ARHGEF18: variants seen among roughly 807,000 people sequenced by gnomAD.
ARHGEF18 encodes the protein Rho/Rac guanine nucleotide exchange factor 18.
In ARHGEF18, 93 loss-of-function variants were observed where a neutral mutation model predicts 155.7. The observed-to-expected ratio is 0.60, with a 90% CI of 0.50 to 0.71. ARHGEF18 has a LOEUF of 0.71. Among genes scored for constraint, ARHGEF18 ranks in the 30% least tolerant of loss-of-function variants. ARHGEF18 has a pLI of 0.00. For missense variants in ARHGEF18, 1,593 were observed against 1,816.1 expected (o/e 0.88, Z 2.23); for synonymous variants, 742 against 753.1 (o/e 0.99, Z 0.24).
chr19:7,421,965 T>C (rs926479303), intron 10 of ARHGEF18, among the ~76,000 whole-genome samples: 1 of 151,928 alleles, frequency 6.6e-6, no homozygotes, highest in African/African-American at 2.4e-5. Flanking sequence ...AAACCAGACA[T>C]CTTCGTCATC....
At chr19:7,364,319 AGATGAGAAGAAG>A (rs1203891000) in intron 2 of ARHGEF18, among the ~76,000 whole-genome samples, 1 of 145,178 alleles carries the variant, frequency 6.9e-6, no homozygotes, top group Non-Finnish European at 1.5e-5. Flanking sequence ...GGTAATGGAT[AGATGAGAAGAAG>A]GATGAGAGGA....
chr19:7,402,564 A>T (rs527465789), intron 10 of ARHGEF18, among the ~76,000 whole-genome samples: 1 of 152,314 alleles, frequency 6.6e-6, no homozygotes, highest in South Asian at 2.1e-4. Flanking sequence ...AGTTACAAAG[A>T]GAGGAAGAGA....
rs747571450 is a variant in ARHGEF18 at position 7,440,183 on chromosome 19, C to G, written c.968-161C>G. 6.4e-7 allele frequency: 1 copy of G among 1,551,522 alleles called. No homozygotes were observed. The highest frequency in any genetic ancestry group is 8.7e-7 in the Non-Finnish European group (1 of 1,146,964). On this transcript the variant is annotated intron_variant, in intron 10 of 28. Transcript: ENST00000668164. This position sits in a 1 kb window ranked among gnomAD's most constrained non-coding sequence, Gnocchi z 5.4. Reference sequence around the variant, plus strand: ...CCGAGCTGTCTTTTTACGGCTCTTTCCCCAGGAAATGGAGCGAGAACGTCT... The same window carrying G: ...CCGAGCTGTCTTTTTACGGCTCTTTGCCCAGGAAATGGAGCGAGAACGTCT...
chr19:7,391,973 G>A (rs1971426187), intron 10 of ARHGEF18, among the ~76,000 whole-genome samples: 1 of 152,168 alleles, frequency 6.6e-6, no homozygotes, highest in Non-Finnish European at 1.5e-5. Context: ...AGGTGTGGTG[G>A]CTCACGCCTG....
In ARHGEF18 at chr19:7,441,940, G is replaced by A; in HGVS notation, c.1248G>A (p.Glu416=). The A allele has an allele frequency of 1.2e-6, 2 of 1,614,114 alleles. No homozygotes were observed. The highest frequency in any genetic ancestry group is 1.7e-6 in the Non-Finnish European group (2 of 1,180,004). The change falls in exon 13 of 29, where the codon GAG becomes GAA. Residue 416 remains glutamate, a synonymous_variant. Coordinates refer to ENST00000668164, the MANE Select transcript of ARHGEF18 (RefSeq NM_001367823.1). ...EDPYTASLRS[E]IESDGHEFEA... ...CCTACACCGCCTCGCTGAGGAGTGA[G>A]ATTGAGTCAGACGGCCACGAGTTTG...
At chr19:7,442,136 T>C (rs375015730) in intron 13 of ARHGEF18, 84 bp downstream of exon 13, 26 of 134,350 alleles carry the variant, frequency 1.9e-4, no homozygotes, top group African/African-American at 7.7e-4. Context: ...CTTCCTTCCT[T>C]CCTTCCTTCC....
intron 10 of ARHGEF18, among the ~76,000 whole-genome samples, chr19:7,400,213 TA>T (rs1971961779): frequency 6.6e-6 from 1 of 152,312 alleles, no homozygotes; most frequent in South Asian, 2.1e-4. Flanking sequence ...TTTATTGAAA[TA>T]TAATTAGCAC....
chr19:7,371,766 A>T (rs1280120482), intron 2 of ARHGEF18, among the ~76,000 whole-genome samples: 9 of 151,888 alleles, frequency 5.9e-5, no homozygotes. Flanking sequence ...GGTTGCAGTG[A>T]GCTGAGATTG....
chr19:7,446,035 T>C (rs1000975843), intron 14 of ARHGEF18, among the ~76,000 whole-genome samples: 1 of 152,188 alleles, frequency 6.6e-6, no homozygotes, highest in African/African-American at 2.4e-5. Flanking sequence ...TTTTTTTATT[T>C]CACCTTTATG....
chr19:7,467,463 C>G lies in ARHGEF18; in HGVS notation c.3259C>G (p.Arg1087Gly). 2 of 1,498,832 alleles carry G rather than the reference C, an allele frequency of 1.3e-6. No homozygotes were observed. The highest frequency in any genetic ancestry group is 1.8e-6 in the Non-Finnish European group (2 of 1,132,268). 92.8% of individuals were successfully genotyped at this position (1,498,832 alleles called of 1,614,324 possible). ...QHQELERAGA[R>G]LQEREGEARQ... ...CCAGGAGCTGGAGCGTGCGGGCGCG[C>G]GGCTGCAGGAGCGCGAGGGCGAGGC... is the stretch of plus-strand genomic sequence containing the variant. Residue 1087 changes from arginine (R) to glycine (G), a missense_variant, in exon 26 of 29, where the codon CGG becomes GGG. By Grantham distance (125) the Arg-to-Gly change is moderately radical. Transcript: ENST00000668164.
the ARHGEF18 span, chr19:7,478,288 C>T: frequency 4.4e-6 from 7 of 1,606,602 alleles, no homozygotes; most frequent in Non-Finnish European, 5.9e-6. Flanking sequence ...AGTGGGCCTC[C>T]CTGCTGGGTG....
At chr19:7,464,836 C>A in intron 23 of ARHGEF18, 146 bp downstream of exon 23, 1 of 1,181,874 alleles carries the variant, frequency 8.5e-7, no homozygotes, top group Non-Finnish European at 1.2e-6. Flanking sequence ...GTATCTCAGC[C>A]CAGATTAATG....
chr19:7,349,896 A>G (rs533185495), intron 1 of ARHGEF18, among the ~76,000 whole-genome samples: 2 of 152,310 alleles, frequency 1.3e-5, no homozygotes, highest in South Asian at 4.1e-4. Context: ...GGGCCCCCCA[A>G]GAACCTCCCT....
intron 10 of ARHGEF18, among the ~76,000 whole-genome samples, chr19:7,385,825 C>CTCTCTCTA (rs1568285641): frequency 7.8e-5 from 9 of 116,116 alleles, no homozygotes; most frequent in African/African-American, 4.0e-4. Flanking sequence ...TAGGATCTAT[C>CTCTCTCTA]TCTCTCTATC....
At chr19:7,477,714 C>T in the ARHGEF18 span, among the ~76,000 whole-genome samples, 4 of 152,208 alleles carry the variant, frequency 2.6e-5, no homozygotes, top group African/African-American at 9.7e-5. Context: ...TTGTGAAAAA[C>T]AGAAAGCACA....
rs563726673 is a variant in ARHGEF18 at position 7,352,350 on chromosome 19, C to T, written c.-111+3109C>T. The stretch of plus-strand genomic sequence containing the variant: ...AGTCTTTTAGGGGTGGCAATCACCT[C>T]CTCTTTTTGGGCCCTGAATTCCAAT... On this transcript the variant is annotated intron_variant, in intron 1 of 28. Transcript: ENST00000668164. 5.3e-5 allele frequency among the ~76,000 whole-genome samples: 8 copies of T among 151,524 alleles called. No homozygotes were observed. In the East Asian group the frequency reaches 1.2e-3, roughly 22 times the overall value.
chr19:7,353,025 G>T (rs190232712), intron 1 of ARHGEF18, among the ~76,000 whole-genome samples: 2 of 150,080 alleles, frequency 1.3e-5, no homozygotes, highest in African/African-American at 4.9e-5. Flanking sequence ...TAGTACAGAC[G>T]GGGTTTCACC....
At position 7,350,324 on chromosome 19, in the gene ARHGEF18, G is replaced by A. The variant is rs139858238; in HGVS notation, c.-111+1083G>A. Among the ~76,000 whole-genome samples the A allele has an allele frequency of 3.5e-4, 54 of 152,260 alleles. No individual in the cohort carries two copies. The East Asian group carries it at 0.01, about 28-fold the overall frequency. Reference sequence around the variant, plus strand: ...AGAGAGGATGGAGCTAGGAAGTGACGCTGGGGGCTGATGCTCCAAGGCCAG... The same window carrying A: ...AGAGAGGATGGAGCTAGGAAGTGACACTGGGGGCTGATGCTCCAAGGCCAG... On this transcript the variant is annotated intron_variant, in intron 1 of 28. Coordinates refer to ENST00000668164, the MANE Select transcript of ARHGEF18 (RefSeq NM_001367823.1).
At chr19:7,416,061 G>A (rs1055706237) in intron 10 of ARHGEF18, among the ~76,000 whole-genome samples, 5 of 152,060 alleles carry the variant, frequency 3.3e-5, no homozygotes, top group South Asian at 2.1e-4. Context: ...GGAGTACCAC[G>A]GTTTTCGCAT....
Sources: gnomAD v4.1 joint callset for allele counts (sites outside exome capture counted in the v4.1 genomes callset) on GRCh38, gnomAD v4.1.1 for gene constraint, Gnocchi (gnomAD v3.1) non-coding constraint, MANE v1.5 for transcripts, NCBI Gene and HGNC (gene_info 2026-07-23, HGNC 2026-07-21) for gene names.